SLC35F4: variants seen among roughly 807,000 people sequenced by gnomAD.
SLC35F4 encodes the protein chromosome 14 open reading frame 36.
In SLC35F4, 24 loss-of-function variants were observed where a neutral mutation model predicts 44.2. The ratio of observed to expected loss-of-function variants is 0.54; its 90% CI spans 0.39 to 0.76. The LOEUF (loss-of-function observed/expected upper bound fraction) is 0.76, where lower values mean the gene tolerates loss of function less well. Among genes scored for constraint, SLC35F4 ranks in the 30% least tolerant of loss-of-function variants. The pLI, the probability that SLC35F4 is intolerant of heterozygous loss-of-function variation, is 0.00. For missense variants in SLC35F4, 562 were observed against 586.1 expected, an observed-to-expected ratio of 0.96 and a Z score of 0.42; for synonymous variants, 238 against 223.6, an observed-to-expected ratio of 1.06 and a Z score of -0.57.
intron 1 of SLC35F4, among the ~76,000 whole-genome samples, chr14:57,813,838 G>A (rs886864831): frequency 6.6e-6 from 1 of 152,152 alleles, no homozygotes; most frequent in Non-Finnish European, 1.5e-5. Context: ...CACACCACAG[G>A]AAGGGAGAAA....
intron 1 of SLC35F4, among the ~76,000 whole-genome samples, chr14:57,821,917 T>A (rs1883214699): frequency 6.6e-6 from 1 of 152,174 alleles, no homozygotes; most frequent in Non-Finnish European, 1.5e-5. Flanking sequence ...TAGGGTTGGA[T>A]AAGTGAGGCA....
In SLC35F4 at chr14:57,798,121, CAAAAAAAAAAAAAA is replaced by C. The variant is rs60685029; in HGVS notation, c.103+67588_103+67601del. Among the ~76,000 whole-genome samples, 137 of 42,082 alleles carry C rather than the reference CAAAAAAAAAAAAAA, an allele frequency of 3.3e-3. No individual in the cohort carries two copies. In the East Asian group the frequency reaches 0.039, roughly 12 times the overall value. The allele number at this position is 42,082 out of a possible 152,430, so 27.6% of individuals were successfully genotyped here. Reference sequence around the variant, plus strand: ...TTCACACAGCCCACAGACCCACGAGCAAAAAAAAAAAAAAAAAAAAAAAAAAATTGTGATAGACC... The same window carrying C: ...TTCACACAGCCCACAGACCCACGAGCAAAAAAAAAAAAATTGTGATAGACC... On this transcript the variant is annotated intron_variant, in intron 1 of 7. Coordinates refer to ENST00000556826, the MANE Select transcript of SLC35F4 (RefSeq NM_001306087.2).
At chr14:57,962,965 AG>A (rs143684396) in intron 1 of SLC35F4, among the ~76,000 whole-genome samples, 5,882 of 152,074 alleles carry the variant, frequency 0.039, 426 homozygotes, top group East Asian at 0.33. Flanking sequence ...TCCACTAAAT[AG>A]GGGGGAAAAA....
chr14:57,595,519 C>G (rs1025102301), intron 1 of SLC35F4, among the ~76,000 whole-genome samples: 1 of 152,124 alleles, frequency 6.6e-6, no homozygotes, highest in African/African-American at 2.4e-5. Flanking sequence ...GCCTCACTTT[C>G]TGGAGTCGGG....
intron 1 of SLC35F4, among the ~76,000 whole-genome samples, chr14:57,799,029 A>G (rs2078122944): frequency 6.6e-6 from 1 of 152,242 alleles, no homozygotes; most frequent in South Asian, 2.1e-4. Flanking sequence ...AAGATGTCCA[A>G]TTAGAAGCAG....
chr14:57,785,692 C>G (rs1032549863), intron 1 of SLC35F4, among the ~76,000 whole-genome samples: 1 of 152,144 alleles, frequency 6.6e-6, no homozygotes, highest in African/African-American at 2.4e-5. Context: ...AAGTTTCTGA[C>G]TTTACCTGGA....
At chr14:57,878,101 G>C (rs9671665) in intron 1 of SLC35F4, among the ~76,000 whole-genome samples, 2,595 of 152,068 alleles carry the variant, frequency 0.017, 81 homozygotes, top group African/African-American at 0.055. Context: ...ATGCTTGTTG[G>C]CTGCATGTAT....
intron 1 of SLC35F4, among the ~76,000 whole-genome samples, chr14:57,758,001 A>ATATGTGTGTGTGTG (rs1555384207): frequency 2.3e-4 from 30 of 129,022 alleles, no homozygotes; most frequent in Middle Eastern, 4.0e-3. Context: ...TTATAGGTTC[A>ATATGTGTGTGTGTG]TGTGTGTGTG....
intron 1 of SLC35F4, among the ~76,000 whole-genome samples, chr14:57,783,443 G>A (rs114326436): frequency 1.3e-3 from 192 of 152,254 alleles, no homozygotes; most frequent in African/African-American, 4.4e-3. Flanking sequence ...AGAAAGAGAA[G>A]CGAGCACCAG....
chr14:57,880,802 GT>G (rs1888519687), intron 1 of SLC35F4, among the ~76,000 whole-genome samples: 1 of 152,126 alleles, frequency 6.6e-6, no homozygotes, highest in Non-Finnish European at 1.5e-5. Flanking sequence ...TGCAGGTCTT[GT>G]ATTTGTTGGT....
At chr14:57,947,903 T>A (rs1181956149) in intron 1 of SLC35F4, among the ~76,000 whole-genome samples, 1 of 152,234 alleles carries the variant, frequency 6.6e-6, no homozygotes, top group African/African-American at 2.4e-5. Flanking sequence ...ATTATCTTTT[T>A]GATATGCTGT....
intron 1 of SLC35F4, among the ~76,000 whole-genome samples, chr14:57,640,284 A>G (rs2073169477): frequency 6.6e-6 from 1 of 152,062 alleles, no homozygotes; most frequent in Admixed American, 6.6e-5. Context: ...AATAGAGGAA[A>G]GATAAAGAAT....
chr14:57,857,836 T>A (rs1887263400), intron 1 of SLC35F4, among the ~76,000 whole-genome samples: 1 of 151,946 alleles, frequency 6.6e-6, no homozygotes, highest in Non-Finnish European at 1.5e-5. Flanking sequence ...TGCAGGGTGA[T>A]GAAGGAGACA....
chr14:57,612,479 T>G (rs1252256613), intron 1 of SLC35F4, among the ~76,000 whole-genome samples: 1 of 152,210 alleles, frequency 6.6e-6, no homozygotes, highest in Admixed American at 6.5e-5. Context: ...CGGCATTCCT[T>G]GACCATTTTC....
At position 57,866,034 on chromosome 14, in the gene SLC35F4, G is replaced by A. The variant is rs770113586; in HGVS notation, c.-209C>T. On this transcript the variant is annotated 5_prime_UTR_variant, in exon 1 of 8. Coordinates refer to ENST00000556826, the MANE Select transcript of SLC35F4 (RefSeq NM_001306087.2). ...CGGCGGAGCGGCCCCCACTCGGGCCGGCCTCTCCGTCAGCCTGGCAGCTCT... is the reference window on the plus strand; with the variant it reads ...CGGCGGAGCGGCCCCCACTCGGGCCAGCCTCTCCGTCAGCCTGGCAGCTCT... The A allele has an allele frequency of 3.1e-6, 1 of 318,002 alleles. No individual in the cohort carries two copies. Among genetic ancestry groups the A allele is most frequent in the Non-Finnish European group, 5.6e-6 (1 of 179,688 alleles). The allele number at this position is 318,002 out of a possible 1,614,324, so 19.7% of individuals were successfully genotyped here. A position where few individuals can be genotyped will look rare whatever the true frequency, so the allele number is the denominator to read the frequency against.
At chr14:57,750,359 G>A (rs916364633) in intron 1 of SLC35F4, among the ~76,000 whole-genome samples, 5 of 152,138 alleles carry the variant, frequency 3.3e-5, no homozygotes, top group Non-Finnish European at 5.9e-5. Flanking sequence ...ACATAGGAGT[G>A]CAGGTATCTT....
At chr14:57,859,198 A>G (rs969360237) in intron 1 of SLC35F4, among the ~76,000 whole-genome samples, 3 of 152,172 alleles carry the variant, frequency 2.0e-5, no homozygotes, top group African/African-American at 7.2e-5. Flanking sequence ...TAAAAATTCA[A>G]CAACTAGTGA....
intron 1 of SLC35F4, among the ~76,000 whole-genome samples, chr14:57,792,567 C>T (rs2077949541): frequency 6.6e-6 from 1 of 151,942 alleles, no homozygotes; most frequent in Non-Finnish European, 1.5e-5. Context: ...TGTATATATG[C>T]ACACACATAC....
intron 1 of SLC35F4, among the ~76,000 whole-genome samples, chr14:57,648,164 A>G (rs1317630892): frequency 6.6e-6 from 1 of 152,178 alleles, no homozygotes; most frequent in African/African-American, 2.4e-5. Context: ...CTTGGAAAAA[A>G]TTCTGAAGGC....
Sources: gnomAD v4.1 joint callset for allele counts (sites outside exome capture counted in the v4.1 genomes callset) on GRCh38, gnomAD v4.1.1 for gene constraint, MANE v1.5 for transcripts, NCBI Gene and HGNC (gene_info 2026-07-23, HGNC 2026-07-21) for gene names.